Variants in NIPAL2 observed in about 807,000 individuals in gnomAD.
The protein encoded by NIPAL2 is NIPA like domain containing 2.
A neutral mutation model predicts 48.9 loss-of-function variants in NIPAL2; 43 were observed. The observed-to-expected ratio is 0.88, with a 90% CI of 0.69 to 1.13. NIPAL2 has a LOEUF of 1.13. Among genes scored for constraint, NIPAL2 ranks in the 50% most tolerant of loss-of-function variants. The pLI, the probability that NIPAL2 is intolerant of heterozygous loss-of-function variation, is 0.00. For missense variants in NIPAL2, 446 were observed against 461.4 expected, an observed-to-expected ratio of 0.97 and a Z score of 0.31; for synonymous variants, 167 against 174.6, an observed-to-expected ratio of 0.96 and a Z score of 0.34.
intron 1 of NIPAL2, among the ~76,000 whole-genome samples, chr8:98,266,494 C>T (rs938314392): frequency 4.5e-4 from 65 of 146,006 alleles, no homozygotes; most frequent in African/African-American, 1.5e-3. Context: ...CCCAGCTACT[C>T]GGGAGCCGAG....
At chr8:98,193,480 A>G (rs1810393026) in intron 10 of NIPAL2, 3 of 1,488,886 alleles carry the variant, frequency 2.0e-6, no homozygotes, top group Non-Finnish European at 2.8e-6. Flanking sequence ...TTCTAAAGCT[A>G]CTACGGAGCC....
rs536440832 is a variant in NIPAL2, at chr8:98,229,265, T to C, written c.437-6665A>G. Reference sequence around the variant, plus strand: ...ACATACACAAATATTAAATAAAACCTCTCCCTATAAACTTGATATTTGTGC... The same window carrying C: ...ACATACACAAATATTAAATAAAACCCCTCCCTATAAACTTGATATTTGTGC... On this transcript the variant is annotated intron_variant, in intron 4 of 10. Transcript: ENST00000430223. Among the ~76,000 whole-genome samples, 4 of 152,270 alleles carry C rather than the reference T, an allele frequency of 2.6e-5. No homozygotes were observed. In the South Asian group the frequency reaches 8.3e-4, roughly 32 times the overall value.
intron 3 of NIPAL2, among the ~76,000 whole-genome samples, chr8:98,240,973 C>T (rs1812952645): frequency 6.6e-6 from 1 of 152,180 alleles, no homozygotes; most frequent in African/African-American, 2.4e-5. Flanking sequence ...GTGCTTCGTC[C>T]TTTCTAATTA....
chr8:98,195,840 C>T lies in NIPAL2; in HGVS notation c.944+102G>A, dbSNP rs961799088. 7 of 745,710 alleles carry T rather than the reference C, an allele frequency of 9.4e-6. No individual in the cohort carries two copies. In the African/African-American group the frequency reaches 1.3e-4, roughly 14 times the overall value. 46.2% of individuals were successfully genotyped at this position (745,710 alleles called of 1,614,324 possible). A position where few individuals can be genotyped will look rare whatever the true frequency, so the allele number is the denominator to read the frequency against. On this transcript the variant is annotated intron_variant, in intron 9 of 10. Transcript: ENST00000430223. ...TTAGGAGCTCAGGAAACTGATGTTT[C>T]TTATATTATTTTCCAATTTTCTATA... is the stretch of plus-strand genomic sequence containing the variant.
chr8:98,221,297 C>T (rs1271251431), intron 5 of NIPAL2, among the ~76,000 whole-genome samples: 1 of 151,638 alleles, frequency 6.6e-6, no homozygotes, highest in Admixed American at 6.6e-5. Context: ...TTTTATACAT[C>T]TCTTGGCATT....
At chr8:98,284,416 TCTCA>T (rs759736038) in intron 1 of NIPAL2, among the ~76,000 whole-genome samples, 26 of 101,518 alleles carry the variant, frequency 2.6e-4, no homozygotes, top group Middle Eastern at 4.3e-3. Context: ...TCTCTCTCTC[TCTCA>T]CACACACACA....
chr8:98,221,545 T>G (rs1192095316), intron 5 of NIPAL2, among the ~76,000 whole-genome samples: 1 of 151,110 alleles, frequency 6.6e-6, no homozygotes, highest in Non-Finnish European at 1.5e-5. Flanking sequence ...ATCTATCAAG[T>G]TTTTTTTTAA....
intron 5 of NIPAL2, among the ~76,000 whole-genome samples, chr8:98,219,526 C>CA (rs1219611268): frequency 6.6e-6 from 1 of 151,884 alleles, no homozygotes; most frequent in Non-Finnish European, 1.5e-5. Context: ...GAATCAGGAC[C>CA]AAAAAAAGCA....
At chr8:98,228,377 AC>A (rs1193608988) in intron 4 of NIPAL2, among the ~76,000 whole-genome samples, 1 of 152,188 alleles carries the variant, frequency 6.6e-6, no homozygotes, top group African/African-American at 2.4e-5. Flanking sequence ...CATGTTCCTC[AC>A]CCGCAGAAAT....
At chr8:98,252,765 G>A (rs1055109785) in intron 2 of NIPAL2, 131 bp from the exon 3 acceptor site, 6 of 779,276 alleles carry the variant, frequency 7.7e-6, no homozygotes, top group African/African-American at 7.3e-5. Flanking sequence ...TTTTAAGAAC[G>A]AATACATTTT....
At chr8:98,202,849 A>G (rs967852347) in intron 8 of NIPAL2, among the ~76,000 whole-genome samples, 1 of 152,218 alleles carries the variant, frequency 6.6e-6, no homozygotes, top group Non-Finnish European at 1.5e-5. Flanking sequence ...TTCAGCTCCA[A>G]TATAAGAAAA....
intron 1 of NIPAL2, among the ~76,000 whole-genome samples, chr8:98,263,280 G>C (rs373905182): frequency 6.8e-6 from 1 of 146,616 alleles, no homozygotes; most frequent in African/African-American, 2.5e-5. Flanking sequence ...ACTAAAATCA[G>C]AGCAGAACTG....
chr8:98,276,082 A>G (rs1815441759), intron 1 of NIPAL2, among the ~76,000 whole-genome samples: 2 of 152,286 alleles, frequency 1.3e-5, no homozygotes, highest in South Asian at 4.1e-4. Context: ...TCATGAGCCT[A>G]CATTGAAACA....
rs187804049 is a variant in NIPAL2, at chr8:98,217,988, G to C, written c.558+4491C>G. On this transcript the variant is annotated intron_variant, in intron 5 of 10. Transcript: ENST00000430223. Reference sequence around the variant, plus strand: ...TAAATTTATTTTAAGAGTTGATTTTGGAAAAATGGCAAACTGCAATTAATC... The same window carrying C: ...TAAATTTATTTTAAGAGTTGATTTTCGAAAAATGGCAAACTGCAATTAATC... 8.9e-4 allele frequency among the ~76,000 whole-genome samples: 136 copies of C among 152,164 alleles called. 2 individuals carry two copies. The East Asian group carries it at 0.022, about 24-fold the overall frequency.
At chr8:98,272,371 GA>G in intron 1 of NIPAL2, among the ~76,000 whole-genome samples, 1 of 152,212 alleles carries the variant, frequency 6.6e-6, no homozygotes, top group African/African-American at 2.4e-5. Context: ...ACTGTGCTGC[GA>G]AAAATTGTGG....
chr8:98,245,856 T>C (rs903385490), intron 3 of NIPAL2, among the ~76,000 whole-genome samples: 71 of 152,240 alleles, frequency 4.7e-4, no homozygotes, highest in African/African-American at 1.5e-3. Context: ...TCACACATTT[T>C]ATGTAGGCTG....
chr8:98,222,369 T>C, intron 5 of NIPAL2, 110 bp downstream of exon 5: 1 of 1,172,674 alleles, frequency 8.5e-7, no homozygotes, highest in Non-Finnish European at 1.2e-6. Context: ...ATTTAGATTT[T>C]AATAAGATAT....
intron 1 of NIPAL2, among the ~76,000 whole-genome samples, chr8:98,292,307 G>A (rs915839398): frequency 6.6e-6 from 1 of 152,166 alleles, no homozygotes; most frequent in Non-Finnish European, 1.5e-5. Context: ...TCAATAAAAT[G>A]CTTCTCGAGT....
intron 4 of NIPAL2, among the ~76,000 whole-genome samples, chr8:98,224,761 T>C (rs904551394): frequency 2.9e-5 from 4 of 139,154 alleles, no homozygotes; most frequent in African/African-American, 1.2e-4. Context: ...TTTTCTTTTT[T>C]TTTTTTTTTT....
Sources: allele counts gnomAD v4.1 joint callset (sites outside exome capture counted in the v4.1 genomes callset), GRCh38; gene constraint gnomAD v4.1.1; transcripts MANE v1.5; gene names NCBI Gene and HGNC (gene_info 2026-07-23, HGNC 2026-07-21).